The following ADGRL2 variants were observed in gnomAD, a reference collection of about 807,000 sequenced individuals.
The protein encoded by ADGRL2 is calcium-independent alpha-latrotoxin receptor 2.
Under a neutral mutation model 157.4 loss-of-function variants are expected in ADGRL2, and 44 were observed. The ratio of observed to expected loss-of-function variants is 0.28; its 90% CI spans 0.22 to 0.36. The LOEUF (loss-of-function observed/expected upper bound fraction) is 0.36. Ranked by LOEUF, ADGRL2 falls within the 10% of genes least tolerant of loss-of-function variation. The pLI, the probability that ADGRL2 is intolerant of heterozygous loss-of-function variation, is 1.00. For synonymous variants in ADGRL2, 585 were observed against 624.7 expected (o/e 0.94, Z 0.95); for missense variants, 1,510 against 1,768.9 (o/e 0.85, Z 2.63).
intron 2 of ADGRL2, among the ~76,000 whole-genome samples, chr1:81,878,070 T>C (rs2093888196): frequency 6.6e-6 from 1 of 152,148 alleles, no homozygotes; most frequent in African/African-American, 2.4e-5. Context: ...TAGTTTCTGC[T>C]CCTAAAAATT....
At chr1:81,313,847 G>A (rs757588241) in intron 1 of ADGRL2, among the ~76,000 whole-genome samples, 5 of 151,898 alleles carry the variant, frequency 3.3e-5, no homozygotes, top group Admixed American at 6.6e-5. Flanking sequence ...ATTTTTTTCT[G>A]GTGTTCATTG....
chr1:81,645,824 T>C (rs1340906332), intron 3 of ADGRL2, among the ~76,000 whole-genome samples: 1 of 152,116 alleles, frequency 6.6e-6, no homozygotes, highest in Admixed American at 6.6e-5. Context: ...GCATTGCACA[T>C]CTTAGCGTGT....
chr1:81,783,491 T>C (rs2086902765), intron 2 of ADGRL2, among the ~76,000 whole-genome samples: 1 of 152,222 alleles, frequency 6.6e-6, no homozygotes, highest in African/African-American at 2.4e-5. Context: ...CTTCTTCTTA[T>C]TTTTATCTCT....
intron 3 of ADGRL2, among the ~76,000 whole-genome samples, chr1:81,672,641 T>A (rs1157508527): frequency 2.6e-5 from 4 of 152,234 alleles, no homozygotes; most frequent in African/African-American, 9.6e-5. Context: ...AAAGTAAGCA[T>A]GTTTTCAAAA....
At chr1:81,730,857 C>T (rs1435743599) in intron 1 of ADGRL2, among the ~76,000 whole-genome samples, 1 of 152,084 alleles carries the variant, frequency 6.6e-6, no homozygotes, top group Non-Finnish European at 1.5e-5. Flanking sequence ...TTGTTTCATT[C>T]TTTACTTAAC....
At chr1:81,785,103 G>T (rs1359867801) in intron 2 of ADGRL2, among the ~76,000 whole-genome samples, 1 of 152,112 alleles carries the variant, frequency 6.6e-6, no homozygotes, top group Admixed American at 6.6e-5. Context: ...TTTCCAGGTT[G>T]TACAGGGAAT....
At chr1:81,416,800 C>T (rs2077041191) in intron 1 of ADGRL2, among the ~76,000 whole-genome samples, 1 of 152,124 alleles carries the variant, frequency 6.6e-6, no homozygotes, top group South Asian at 2.1e-4. Context: ...GCCAAGTAGT[C>T]ATATAGGTGA....
At chr1:81,420,008 A>G (rs1318431856) in intron 1 of ADGRL2, among the ~76,000 whole-genome samples, 1 of 152,204 alleles carries the variant, frequency 6.6e-6, no homozygotes, top group Non-Finnish European at 1.5e-5. Context: ...ATTGTAATGA[A>G]AGTTGATAAT....
intron 1 of ADGRL2, among the ~76,000 whole-genome samples, chr1:81,827,555 A>C (rs1305325884): frequency 2.6e-5 from 4 of 152,166 alleles, no homozygotes; most frequent in African/African-American, 9.7e-5. Flanking sequence ...TCTGTTATAC[A>C]CACACTGAAA....
At chr1:81,885,806 C>G (rs145167161) in intron 2 of ADGRL2, among the ~76,000 whole-genome samples, 2 of 152,292 alleles carry the variant, frequency 1.3e-5, no homozygotes, top group African/African-American at 4.8e-5. Context: ...GTTGAGATTT[C>G]CATGAAGTCT....
At chr1:81,579,974 T>G (rs554472968) in intron 2 of ADGRL2, among the ~76,000 whole-genome samples, 1 of 152,162 alleles carries the variant, frequency 6.6e-6, no homozygotes, top group Admixed American at 6.6e-5. Flanking sequence ...GGAAAGAATA[T>G]AATAAAACTA....
At chr1:81,311,181 C>T (rs537343028) in intron 1 of ADGRL2, among the ~76,000 whole-genome samples, 1 of 152,122 alleles carries the variant, frequency 6.6e-6, no homozygotes, top group Non-Finnish European at 1.5e-5. Flanking sequence ...TTAGATAAGA[C>T]GTACATTTTG....
At chr1:81,433,365 ACATAATACTT>A (rs2101630599) in intron 1 of ADGRL2, among the ~76,000 whole-genome samples, 1 of 152,328 alleles carries the variant, frequency 6.6e-6, no homozygotes, top group South Asian at 2.1e-4. Context: ...GTCATAGACA[ACATAATACTT>A]CAGGTCCAAG....
At chr1:81,487,091 C>CAAAAAAA (rs146122539) in intron 2 of ADGRL2, among the ~76,000 whole-genome samples, 13 of 85,244 alleles carry the variant, frequency 1.5e-4, no homozygotes, top group African/African-American at 2.2e-4. Flanking sequence ...CTCATCTCTA[C>CAAAAAAA]AAAAAAAAAA....
intron 3 of ADGRL2, among the ~76,000 whole-genome samples, chr1:81,645,914 C>A (rs1260163693): frequency 1.3e-5 from 2 of 152,092 alleles, no homozygotes; most frequent in Non-Finnish European, 2.9e-5. Flanking sequence ...CCAAGTCATC[C>A]TCCGAATTAC....
chr1:81,353,398 G>A (rs1159380770), intron 1 of ADGRL2, among the ~76,000 whole-genome samples: 1 of 152,124 alleles, frequency 6.6e-6, no homozygotes, highest in Non-Finnish European at 1.5e-5. Context: ...AACAAGTTTG[G>A]GAGGAGAGGA....
intron 1 of ADGRL2, among the ~76,000 whole-genome samples, chr1:81,754,143 TA>T (rs766266344): frequency 1.3e-4 from 20 of 152,034 alleles, no homozygotes; most frequent in Admixed American, 1.2e-3. Context: ...TTCTTGGACT[TA>T]ATAGACTCCT....
chr1:81,473,060 C>G (rs916693423), intron 2 of ADGRL2, among the ~76,000 whole-genome samples: 1 of 106,466 alleles, frequency 9.4e-6, no homozygotes, highest in South Asian at 2.7e-4. Flanking sequence ...TCAATGTAAG[C>G]AAATTAGAGA....
chr1:81,954,964 G>A (rs1243954303), intron 10 of ADGRL2, among the ~76,000 whole-genome samples: 2 of 152,144 alleles, frequency 1.3e-5, no homozygotes, highest in Non-Finnish European at 2.9e-5. Flanking sequence ...TGGGTGAATG[G>A]AATAGAGTAA....
Sources: allele counts gnomAD v4.1 joint callset (sites outside exome capture counted in the v4.1 genomes callset), GRCh38; gene constraint gnomAD v4.1.1; transcripts MANE v1.5; gene names NCBI Gene and HGNC (gene_info 2026-07-23, HGNC 2026-07-21).